UTS2: variants seen among roughly 807,000 people sequenced by gnomAD.
UTS2 encodes urotensin-2.
In UTS2, 10 loss-of-function variants were observed where a neutral mutation model predicts 12.6. That is an observed-to-expected ratio of 0.80 (90% CI 0.49 to 1.35). UTS2 has a LOEUF of 1.35. Ranked by LOEUF, UTS2 falls within the 40% of genes most tolerant of loss-of-function variation. The probability of loss-of-function intolerance (pLI) is 0.00; values close to 1 mark genes in which losing one functional copy is unlikely to be tolerated. For missense variants in UTS2, 142 were observed against 143.2 expected (o/e 0.99, Z 0.04); for synonymous variants, 52 against 50.0 (o/e 1.04, Z -0.17).
chr1:7,897,159 A>G, the UTS2 span, among the ~76,000 whole-genome samples: 2 of 152,192 alleles, frequency 1.3e-5, no homozygotes, highest in Admixed American at 1.3e-4. Context: ...ACTTTTTACT[A>G]TGTTAACAAT....
rs760777830 is a variant in UTS2 at position 7,850,929 on chromosome 1, A to C, written c.104-7T>G. The stretch of plus-strand genomic sequence containing the variant: ...CGCGCGTCTTCATGAGGTGCTACAG[A>C]GTAAAAACAGATACTTAGAATTGGG... On this transcript the variant is annotated splice_region_variant and splice_polypyrimidine_tract_variant and intron_variant, in intron 1 of 3. Coordinates refer to ENST00000361696, the MANE Select transcript of UTS2 (RefSeq NM_006786.4). The C allele has an allele frequency of 2.5e-6, 4 of 1,613,816 alleles. No homozygotes were observed. The highest frequency in any genetic ancestry group is 3.4e-6 in the Non-Finnish European group (4 of 1,179,834).
At chr1:7,854,891 T>G (rs948168278), upstream of UTS2, among the ~76,000 whole-genome samples, 6 of 152,174 alleles carry the variant, frequency 3.9e-5, no homozygotes, top group African/African-American at 1.2e-4. Flanking sequence ...CCAGGCACAG[T>G]GGCTCACACC....
Position 7,848,726 on chromosome 1 carries a change from C to G in UTS2, c.259-844G>C, listed in dbSNP as rs530245153. 2.1e-4 allele frequency among the ~76,000 whole-genome samples: 32 copies of G among 152,064 alleles called. 1 individual carries two copies. The highest frequency in any genetic ancestry group is 6.2e-4 in the South Asian group (3 of 4,816). On this transcript the variant is annotated intron_variant, in intron 3 of 3. Coordinates refer to ENST00000361696, the MANE Select transcript of UTS2 (RefSeq NM_006786.4). ...GTAGAGACGGGGTTTCGCTGTGTTG[C>G]CCAGGCTGGTCTTGAACTCCTGGCC...
the UTS2 span, among the ~76,000 whole-genome samples, chr1:7,897,360 G>C: frequency 6.6e-5 from 10 of 152,116 alleles, no homozygotes; most frequent in Admixed American, 6.5e-4. Flanking sequence ...GTTTAGGAAT[G>C]ACTGGGCTAT....
At chr1:7,850,786 C>T (rs766324228) in intron 2 of UTS2, 26 bp downstream of exon 2, 29 of 1,606,146 alleles carry the variant, frequency 1.8e-5, no homozygotes, top group East Asian at 8.9e-5. Flanking sequence ...AAATCAGACA[C>T]GCTATAAACA....
At chr1:7,854,285 A>G (rs191305550), upstream of UTS2, among the ~76,000 whole-genome samples, 2 of 151,802 alleles carry the variant, frequency 1.3e-5, no homozygotes, top group Admixed American at 1.3e-4. Context: ...CGGAGGGTGC[A>G]GTGAGCCAAG....
chr1:7,875,240 A>T, the UTS2 span, among the ~76,000 whole-genome samples: 3 of 151,762 alleles, frequency 2.0e-5, no homozygotes, highest in Admixed American at 6.6e-5. Context: ...AAGCCAAGCT[A>T]ATTTTTTGTA....
chr1:7,868,684 G>C, the UTS2 span, among the ~76,000 whole-genome samples: 1 of 152,256 alleles, frequency 6.6e-6, no homozygotes, highest in African/African-American at 2.4e-5. Flanking sequence ...GGACAATGAT[G>C]ATGTTATTAA....
chr1:7,854,152 T>C (rs1161578188), upstream of UTS2, among the ~76,000 whole-genome samples: 1 of 151,998 alleles, frequency 6.6e-6, no homozygotes, highest in Non-Finnish European at 1.5e-5. Flanking sequence ...GAGACCAGCC[T>C]GACCAACATG....
upstream of UTS2, chr1:7,853,369 C>T (rs1406064407): frequency 2.5e-6 from 4 of 1,613,948 alleles, no homozygotes; most frequent in African/African-American, 2.7e-5. Context: ...AGCAAAGAGA[C>T]GTGGATTTAT....
At chr1:7,901,518 G>T in the UTS2 span, among the ~76,000 whole-genome samples, 5 of 151,754 alleles carry the variant, frequency 3.3e-5, no homozygotes, top group African/African-American at 1.2e-4. Context: ...TGCTTTATAT[G>T]TATACATGTA....
chr1:7,889,927 C>T, the UTS2 span, among the ~76,000 whole-genome samples: 1 of 151,932 alleles, frequency 6.6e-6, no homozygotes, highest in Non-Finnish European at 1.5e-5. Flanking sequence ...ATTAGCTGGA[C>T]TTGGTGGCGG....
the UTS2 span, among the ~76,000 whole-genome samples, chr1:7,898,090 A>G: frequency 6.6e-6 from 1 of 152,188 alleles, no homozygotes; most frequent in African/African-American, 2.4e-5. Context: ...CATGTATACA[A>G]CCATGCCATC....
At chr1:7,890,125 A>G in the UTS2 span, among the ~76,000 whole-genome samples, 6 of 46,082 alleles carry the variant, frequency 1.3e-4, no homozygotes, top group Admixed American at 1.7e-4. Context: ...GCCTCCATCT[A>G]AAAAAAAAAA....
chr1:7,882,284 A>G, the UTS2 span, among the ~76,000 whole-genome samples: 1 of 152,150 alleles, frequency 6.6e-6, no homozygotes, highest in African/African-American at 2.4e-5. Flanking sequence ...GCAGTGAACT[A>G]TGATAGTGCC....
the UTS2 span, among the ~76,000 whole-genome samples, chr1:7,876,538 G>A: frequency 6.6e-6 from 1 of 152,070 alleles, no homozygotes; most frequent in Non-Finnish European, 1.5e-5. Context: ...TGCCAATGCT[G>A]GCACCCGCAA....
At chr1:7,867,819 TGAGGTGA>T in the UTS2 span, among the ~76,000 whole-genome samples, 1 of 152,096 alleles carries the variant, frequency 6.6e-6, no homozygotes, top group Admixed American at 6.6e-5. Flanking sequence ...GAAGTTGCAG[TGAGGTGA>T]GATGGCACAA....
chr1:7,889,865 G>A, the UTS2 span, among the ~76,000 whole-genome samples: 2 of 152,232 alleles, frequency 1.3e-5, no homozygotes, highest in Admixed American at 1.3e-4. Flanking sequence ...AGGAGATCGA[G>A]ACCTCCCTGG....
chr1:7,879,739 TAAC>T, the UTS2 span, among the ~76,000 whole-genome samples: 15 of 151,700 alleles, frequency 9.9e-5, no homozygotes, highest in Admixed American at 3.3e-4. Flanking sequence ...AGACTCTGTC[TAAC>T]AACAACAACA....
Sources: gnomAD v4.1 joint callset for allele counts (sites outside exome capture counted in the v4.1 genomes callset) on GRCh38, gnomAD v4.1.1 for gene constraint, MANE v1.5 for transcripts, NCBI Gene and HGNC (gene_info 2026-07-23, HGNC 2026-07-21) for gene names.